FOXK1: variants seen among roughly 807,000 people sequenced by gnomAD.
FOXK1 encodes the protein forkhead box K1.
Under a neutral mutation model 51.9 loss-of-function variants are expected in FOXK1, and 19 were observed. The ratio of observed to expected loss-of-function variants is 0.37; its 90% confidence interval spans 0.26 to 0.54. The LOEUF (loss-of-function observed/expected upper bound fraction) is 0.54, where lower values mean the gene tolerates loss of function less well. Ranked by LOEUF, FOXK1 falls within the 20% of genes least tolerant of loss-of-function variation. The pLI is 0.87. For missense variants in FOXK1, 870 were observed against 1,032.7 expected, an observed-to-expected ratio of 0.84 and a Z score of 2.16; for synonymous variants, 537 against 482.6, an observed-to-expected ratio of 1.11 and a Z score of -1.48.
intron 1 of FOXK1, among the ~76,000 whole-genome samples, chr7:4,719,525 A>T (rs2115046469): frequency 6.6e-6 from 1 of 151,986 alleles, no homozygotes; most frequent in East Asian, 2.0e-4. Context: ...TCCATCACCC[A>T]GGCTGGAGTG....
chr7:4,713,544 T>G (rs1583191240), intron 1 of FOXK1, among the ~76,000 whole-genome samples: 1 of 151,080 alleles, frequency 6.6e-6, no homozygotes, highest in Admixed American at 6.6e-5. Flanking sequence ...CAGGCTGGAG[T>G]GCAGTGGCGC....
Position 4,709,788 on chromosome 7 carries a change from C to G in FOXK1, c.560+26920C>G, listed in dbSNP as rs10259200. ...TTGAGTGACCTCACGATGTGCTGTC[C>G]GTCTTCTCGCTGTTCAGCCAGCAGT... On this transcript the variant is annotated intron_variant, in intron 1 of 8. Transcript: ENST00000328914. This position sits in a 1 kb window ranked among gnomAD's most constrained non-coding sequence, Gnocchi z 5.6. Among the ~76,000 whole-genome samples the G allele has an allele frequency of 0.11, 17,104 of 152,218 alleles. 1,727 individuals are homozygous for G. The highest frequency in any genetic ancestry group is 0.28 in the African/African-American group (11,455 of 41,498).
intron 2 of FOXK1, among the ~76,000 whole-genome samples, chr7:4,742,402 G>A (rs1427566519): frequency 6.6e-6 from 1 of 152,094 alleles, no homozygotes; most frequent in Non-Finnish European, 1.5e-5. Context: ...TCTTGCAGCT[G>A]TAGGAGAAGA....
chr7:4,725,286 C>T (rs1021885111), intron 1 of FOXK1, among the ~76,000 whole-genome samples: 2 of 152,258 alleles, frequency 1.3e-5, no homozygotes, highest in Non-Finnish European at 2.9e-5. Flanking sequence ...GGAGCACCGA[C>T]GCCATCGGCT....
At chr7:4,725,667 C>G (rs1426471092) in intron 1 of FOXK1, among the ~76,000 whole-genome samples, 3 of 152,252 alleles carry the variant, frequency 2.0e-5, no homozygotes, top group Non-Finnish European at 4.4e-5. Flanking sequence ...TGGCAGTGGA[C>G]ACACCAAGGC....
At chr7:4,724,386 G>A (rs529315075) in intron 1 of FOXK1, among the ~76,000 whole-genome samples, 4 of 152,126 alleles carry the variant, frequency 2.6e-5, no homozygotes, top group Admixed American at 1.3e-4. Flanking sequence ...TTGTAGAGAC[G>A]GATTTCACCA....
chr7:4,719,278 G>T (rs1246426323), intron 1 of FOXK1, among the ~76,000 whole-genome samples: 1 of 152,098 alleles, frequency 6.6e-6, no homozygotes, highest in Non-Finnish European at 1.5e-5. Context: ...GGGACTACAA[G>T]CGTGCACCAC....
Position 4,757,035 on chromosome 7 carries a change from C to G in FOXK1, c.1092C>G (p.Ile364Met). The change falls in exon 5 of 9, where the codon ATC becomes ATG. Residue 364 changes from isoleucine (I) to methionine (M), a missense_variant. Physicochemically the swap from Ile to Met is conservative, Grantham distance 10. Around this residue, in one of 3 missense-constraint regions of FOXK1, gnomAD observed 14 missense variants for 46.3 expected, o/e 0.30. Transcript: ENST00000328914. ...RHNLSLNRYF[I>M]KVPRSQEEPG... ...ACCTCTCTTTGAACCGTTACTTTATCAAAGTCCCACGTTCCCAGGAGGAGC... is the reference window on the plus strand; with the variant it reads ...ACCTCTCTTTGAACCGTTACTTTATGAAAGTCCCACGTTCCCAGGAGGAGC... 1 of 1,613,882 alleles carries G rather than the reference C, an allele frequency of 6.2e-7. No individual in the cohort carries two copies. The highest frequency in any genetic ancestry group is 2.2e-5 in the East Asian group (1 of 44,842).
At chr7:4,721,426 G>T (rs968742124) in intron 1 of FOXK1, among the ~76,000 whole-genome samples, 1 of 152,090 alleles carries the variant, frequency 6.6e-6, no homozygotes, top group Non-Finnish European at 1.5e-5. Context: ...CAGTGGCTCA[G>T]TAAAATGCCT....
rs577538835 is a variant in FOXK1, at chr7:4,721,128, C to T, written c.561-19710C>T. Among the ~76,000 whole-genome samples, 76 of 152,310 alleles carry T rather than the reference C, an allele frequency of 5.0e-4. No homozygotes were observed. In the South Asian group the frequency reaches 0.011, roughly 22 times the overall value. ...GTCACTGTTGCCGTAAGTGCTTTCC[C>T]GAGTCAGCAGCCTCCCTCTGTGCAT... On this transcript the variant is annotated intron_variant, in intron 1 of 8. Coordinates refer to ENST00000328914, the MANE Select transcript of FOXK1 (RefSeq NM_001037165.2).
rs899476406 is a variant in FOXK1 at position 4,711,660 on chromosome 7, C to T, written c.560+28792C>T. 6.6e-6 allele frequency among the ~76,000 whole-genome samples: 1 copy of T among 152,196 alleles called. No homozygotes were observed. The highest frequency in any genetic ancestry group is 1.5e-5 in the Non-Finnish European group (1 of 68,028). Reference sequence around the variant, plus strand: ...GAATAATTACTAAGGGCGTCATACCCTCTCGTATCTGCATCACCCATAAGG... The same window carrying T: ...GAATAATTACTAAGGGCGTCATACCTTCTCGTATCTGCATCACCCATAAGG... On this transcript the variant is annotated intron_variant, in intron 1 of 8. Transcript: ENST00000328914. The surrounding 1 kb of genome is among the most constrained non-coding windows in gnomAD (Gnocchi z 6.3).
chr7:4,698,302 GTA>G lies in FOXK1; in HGVS notation c.560+15436_560+15437del, dbSNP rs995555806. Among the ~76,000 whole-genome samples the G allele has an allele frequency of 5.5e-5, 8 of 146,138 alleles. 1 individual carries two copies. Among genetic ancestry groups the G allele is most frequent in the African/African-American group, 1.9e-4 (7 of 37,776 alleles). ...TATCTGAGAGTGCGATTTTATATAT[GTA>G]TGTGTGTGTATATATATATATATAT... On this transcript the variant is annotated intron_variant, in intron 1 of 8. Transcript: ENST00000328914.
At chr7:4,696,661 A>G (rs1779956293) in intron 1 of FOXK1, among the ~76,000 whole-genome samples, 1 of 152,194 alleles carries the variant, frequency 6.6e-6, no homozygotes, top group Admixed American at 6.5e-5. Context: ...GTGCCAGTGA[A>G]GACACACTTC....
At chr7:4,739,854 G>A (rs1371178416) in intron 1 of FOXK1, among the ~76,000 whole-genome samples, 1 of 152,238 alleles carries the variant, frequency 6.6e-6, no homozygotes. Context: ...TGTGTCATTT[G>A]AGAGGTGGCA....
chr7:4,714,286 CTGTT>C (rs560565855), intron 1 of FOXK1, among the ~76,000 whole-genome samples: 246 of 151,942 alleles, frequency 1.6e-3, no homozygotes, highest in African/African-American at 5.4e-3. Context: ...CTGTGTGTGT[CTGTT>C]TGTTTGTTGA....
intron 1 of FOXK1, among the ~76,000 whole-genome samples, chr7:4,712,725 C>T (rs999971175): frequency 3.9e-4 from 59 of 152,280 alleles, no homozygotes; most frequent in Admixed American, 1.5e-3. Flanking sequence ...CTGTTGCCCT[C>T]TCAGATAGGA....
At position 4,766,761 on chromosome 7, in the gene FOXK1, A is replaced by C. The variant is rs1044534257; in HGVS notation, c.*4297A>C. The C allele has an allele frequency of 6.6e-6, 1 of 152,164 alleles. No homozygotes were observed. The highest frequency in any genetic ancestry group is 6.5e-5 in the Admixed American group (1 of 15,282). 9.4% of individuals were successfully genotyped at this position (152,164 alleles called of 1,614,324 possible). On this transcript the variant is annotated 3_prime_UTR_variant, in exon 9 of 9. Coordinates refer to ENST00000328914, the MANE Select transcript of FOXK1 (RefSeq NM_001037165.2). This position sits in a 1 kb window ranked among gnomAD's most constrained non-coding sequence, Gnocchi z 5.5. ...ATTTTCTGTACTGGTTTGAGATCAC[A>C]GGCATCATTCAGCGAATGCTCTTGT...
At chr7:4,732,825 G>A (rs917279144) in intron 1 of FOXK1, among the ~76,000 whole-genome samples, 7 of 152,196 alleles carry the variant, frequency 4.6e-5, no homozygotes, top group East Asian at 1.9e-4. Context: ...ATCCGGAGCC[G>A]CGGGTCTGCG....
rs1196538871 is a variant in FOXK1, at chr7:4,729,916, G to A, written c.561-10922G>A. ...GAGGCAGGAGAATCGCTTGAACCCG[G>A]AAGGTGGAGTTTGCAGTGAGCTGAG... On this transcript the variant is annotated intron_variant, in intron 1 of 8. Transcript: ENST00000328914. The surrounding 1 kb of genome is among the most constrained non-coding windows in gnomAD (Gnocchi z 6.2). 1.3e-5 allele frequency among the ~76,000 whole-genome samples: 2 copies of A among 152,148 alleles called. No homozygotes were observed. The highest frequency in any genetic ancestry group is 2.9e-5 in the Non-Finnish European group (2 of 68,024).
Sources: gnomAD v4.1 joint callset for allele counts (sites outside exome capture counted in the v4.1 genomes callset) on GRCh38, gnomAD v4.1.1 for gene constraint, gnomAD v4.1.1 regional missense constraint, Gnocchi (gnomAD v3.1) non-coding constraint, MANE v1.5 for transcripts, NCBI Gene and HGNC (gene_info 2026-07-23, HGNC 2026-07-21) for gene names.